Variants in SLC52A3 observed in about 807,000 individuals in gnomAD.
The protein encoded by SLC52A3 is solute carrier family 52, riboflavin transporter, member 3.
Under a neutral mutation model 29.5 loss-of-function variants are expected in SLC52A3, and 20 were observed. The observed-to-expected ratio is 0.68, with a 90% CI of 0.48 to 0.99. SLC52A3 has a LOEUF of 0.99. SLC52A3 is among the 50% of genes least tolerant of loss of function. The pLI, the probability that SLC52A3 is intolerant of heterozygous loss-of-function variation, is 0.00. For missense variants in SLC52A3, 548 were observed against 612.9 expected, an observed-to-expected ratio of 0.89 and a Z score of 1.12; for synonymous variants, 301 against 271.0, an observed-to-expected ratio of 1.11 and a Z score of -1.09.
At chr20:776,857 G>GC (rs1987052140), upstream of SLC52A3, among the ~76,000 whole-genome samples, 1 of 63,596 alleles carries the variant, frequency 1.6e-5, no homozygotes, top group African/African-American at 5.5e-5. Flanking sequence ...AATCGCTTTT[G>GC]GGGGGGGGGC....
intron 3 of SLC52A3, among the ~76,000 whole-genome samples, 192 bp downstream of exon 3, chr20:763,306 T>C (rs955360449): frequency 9.8e-5 from 15 of 152,362 alleles, no homozygotes; most frequent in Admixed American, 9.1e-4. Context: ...TAAATATCCC[T>C]GAGGCACAGA....
chr20:777,219 G>A (rs1345360902), upstream of SLC52A3, among the ~76,000 whole-genome samples: 2 of 151,160 alleles, frequency 1.3e-5, no homozygotes, highest in Admixed American at 6.6e-5. Context: ...CTGGACAATA[G>A]AGCAAGACTC....
chr20:777,268 A>AAAACAAAC (rs1987074920), upstream of SLC52A3, among the ~76,000 whole-genome samples: 2 of 23,338 alleles, frequency 8.6e-5, no homozygotes, highest in African/African-American at 1.5e-4. Context: ...AAACAAACAA[A>AAAACAAAC]AAACAAAAAA....
intron 1 of SLC52A3, among the ~76,000 whole-genome samples, chr20:774,072 G>A (rs962063840): frequency 6.6e-6 from 1 of 152,218 alleles, no homozygotes; most frequent in Non-Finnish European, 1.5e-5. Context: ...GTGAGCGGGG[G>A]CTTGTCCTCT....
At chr20:779,877 A>T (rs902755857), upstream of SLC52A3, among the ~76,000 whole-genome samples, 1 of 152,226 alleles carries the variant, frequency 6.6e-6, no homozygotes, top group African/African-American at 2.4e-5. Context: ...ATTGTTCCAT[A>T]GAAAGAATCT....
In SLC52A3 at chr20:765,761, A is replaced by G; in HGVS notation, c.14T>C (p.Met5Thr). The G allele has an allele frequency of 6.2e-7, 1 of 1,603,468 alleles. No individual in the cohort carries two copies. Among genetic ancestry groups the G allele is most frequent in the Non-Finnish European group, 8.5e-7 (1 of 1,176,174 alleles). MAFLMHLLVCVFGMG... is the reference protein window; with the variant it reads MAFLTHLLVCVFGMG... The stretch of plus-strand genomic sequence containing the variant: ...TCCGAAGACGCAGACCAGCAGGTGC[A>G]TCAGGAAGGCCATGGCGGTATCTGC... Residue 5 changes from methionine to threonine, a missense_variant, in exon 2 of 5, where the codon ATG becomes ACG. This residue lies in a region of SLC52A3 where 375 missense variants were observed against 471.1 expected (regional missense o/e 0.80). Coordinates refer to ENST00000645534, the MANE Select transcript of SLC52A3 (RefSeq NM_033409.4). The surrounding 1 kb of genome is among the most constrained non-coding windows in gnomAD (Gnocchi z 6.6).
At chr20:762,603 C>T (rs1434242131) in intron 3 of SLC52A3, among the ~76,000 whole-genome samples, 2 of 152,232 alleles carry the variant, frequency 1.3e-5, no homozygotes, top group Non-Finnish European at 2.9e-5. Context: ...TCTTGGATTC[C>T]ATGACTCAGA....
upstream of SLC52A3, among the ~76,000 whole-genome samples, chr20:772,175 T>C (rs749667400): frequency 3.3e-5 from 5 of 152,214 alleles, no homozygotes; most frequent in Non-Finnish European, 7.3e-5. Context: ...CTCACTTTCT[T>C]GTATGTTCGA....
chr20:764,094 GTTA>G, intron 2 of SLC52A3, 91 bp from the exon 3 acceptor site: 1 of 1,238,478 alleles, frequency 8.1e-7, no homozygotes, highest in Non-Finnish European at 1.1e-6. Flanking sequence ...CAGATCACCT[GTTA>G]TTATTAATGG....
chr20:761,221 A>G lies in SLC52A3; in HGVS notation c.1215T>C (p.Leu405=), dbSNP rs764407302. The change falls in exon 5 of 5, where the codon CTT becomes CTC. Residue 405 remains leucine (L), a synonymous_variant. Transcript: ENST00000645534. ...GEVLIVASWV[L]FSGCLSYVKV... is the part of the protein sequence containing the mutation. Reference sequence around the variant, plus strand: ...TGACGTAACTGAGGCAGCCGCTGAAAAGCACCCACGAGGCCACCTGCGGGG... The same window carrying G: ...TGACGTAACTGAGGCAGCCGCTGAAGAGCACCCACGAGGCCACCTGCGGGG... 7.1e-6 allele frequency: 11 copies of G among 1,553,600 alleles called. No individual in the cohort carries two copies. Among genetic ancestry groups the G allele is most frequent in the Middle Eastern group, 2.1e-4 (1 of 4,844 alleles).
rs1317661843 is a variant in SLC52A3, at chr20:763,882, A to G, written c.689T>C (p.Met230Thr). The G allele has an allele frequency of 1.2e-6, 2 of 1,614,168 alleles. No homozygotes were observed. Among genetic ancestry groups the G allele is most frequent in the East Asian group, 2.2e-5 (1 of 44,872 alleles). The change falls in exon 3 of 5, where the codon ATG (methionine) becomes ACG (threonine). Residue 230 changes from methionine to threonine, a missense_variant. Met to Thr is a moderately conservative substitution (Grantham distance 81). Transcript: ENST00000645534. ...GAACGCCACGAGGCAGCAGGCCATC[A>G]TGATGGATAGGAGGAGGAAGAAGAC... ...PLVFFLLLSI[M>T]MACCLVAFFV...
At chr20:764,208 T>C (rs1986596362) in intron 2 of SLC52A3, among the ~76,000 whole-genome samples, 1 of 152,156 alleles carries the variant, frequency 6.6e-6, no homozygotes, top group Non-Finnish European at 1.5e-5. Flanking sequence ...CCCCTATGCC[T>C]CCTAACAGGG....
intron 4 of SLC52A3, 24 bp from the exon 5 acceptor site, chr20:761,262 T>C (rs997670114): frequency 4.5e-6 from 7 of 1,539,330 alleles, no homozygotes; most frequent in Non-Finnish European, 6.1e-6. Context: ...AGGGAAGAGG[T>C]GCAGAGTCAC....
In SLC52A3 at chr20:760,164, G is replaced by A. The variant is rs2122500721; in HGVS notation, c.*862C>T. The A allele has an allele frequency of 6.6e-6, 1 of 152,342 alleles. No individual in the cohort carries two copies. The highest frequency in any genetic ancestry group is 1.5e-5 in the Non-Finnish European group (1 of 68,044). 9.4% of individuals were successfully genotyped at this position (152,342 alleles called of 1,614,324 possible). ...AATCACCTCTGTTGCCTCCATTTGA[G>A]AGAATACTTCCAGGGGCTCTGCATG... On this transcript the variant is annotated 3_prime_UTR_variant, in exon 5 of 5. Transcript: ENST00000645534. This position sits in a 1 kb window ranked among gnomAD's most constrained non-coding sequence, Gnocchi z 4.9.
chr20:765,205 TA>T lies in SLC52A3; in HGVS notation c.567+2del. The T allele has an allele frequency of 6.2e-7, 1 of 1,614,202 alleles. No individual in the cohort carries two copies. The highest frequency in any genetic ancestry group is 8.5e-7 in the Non-Finnish European group (1 of 1,180,032). On this transcript the variant is annotated splice_donor_variant, in intron 2 of 4. Coordinates refer to ENST00000645534, the MANE Select transcript of SLC52A3 (RefSeq NM_033409.4). LOFTEE classifies it high-confidence loss of function. This position sits in a 1 kb window ranked among gnomAD's most constrained non-coding sequence, Gnocchi z 6.6. ...TGAGATGGCTCCGGGTGATGCTGGG[TA>T]CCTGTGCGATGTCAGTCTCCCTCGT...
At chr20:766,006 C>T (rs1028831181) in intron 1 of SLC52A3, 181 bp from the exon 2 acceptor site, 8 of 559,376 alleles carry the variant, frequency 1.4e-5, no homozygotes, top group East Asian at 9.0e-5. Context: ...GGGATGATCT[C>T]GGCTCAGTGA....
Position 763,853 on chromosome 20 carries a change from C to A in SLC52A3, c.718G>T (p.Val240Phe). Residue 240 changes from valine to phenylalanine, a missense_variant, in exon 3 of 5, where the codon GTC (valine) becomes TTC (phenylalanine). By Grantham distance (50) the Val-to-Phe change is conservative. Around this residue, in one of 2 missense-constraint regions of SLC52A3, gnomAD observed 375 missense variants for 471.1 expected, o/e 0.80. Transcript: ENST00000645534. The part of the protein sequence containing the change: ...MMACCLVAFF[V>F]LQRQPRCWEA... ...CAGCACCTGGGTTGACGCTGGAGGA[C>A]AAAGAACGCCACGAGGCAGCAGGCC... 5 of 1,614,118 alleles carry A rather than the reference C, an allele frequency of 3.1e-6. No individual in the cohort carries two copies. The highest frequency in any genetic ancestry group is 4.2e-6 in the Non-Finnish European group (5 of 1,180,008).
At chr20:764,594 C>T (rs540454128) in intron 2 of SLC52A3, among the ~76,000 whole-genome samples, 67 of 151,776 alleles carry the variant, frequency 4.4e-4, no homozygotes, top group Non-Finnish European at 8.3e-4. Flanking sequence ...GACATGCCAT[C>T]CCAAAATATG....
At chr20:773,657 C>G (rs1986917408) in intron 1 of SLC52A3, among the ~76,000 whole-genome samples, 2 of 152,130 alleles carry the variant, frequency 1.3e-5, no homozygotes, top group African/African-American at 4.8e-5. Context: ...TCCAGGACCC[C>G]TTATGTGATC....
Sources: gnomAD v4.1 joint callset for allele counts (sites outside exome capture counted in the v4.1 genomes callset) on GRCh38, gnomAD v4.1.1 for gene constraint, gnomAD v4.1.1 regional missense constraint, Gnocchi (gnomAD v3.1) non-coding constraint, MANE v1.5 for transcripts, NCBI Gene and HGNC (gene_info 2026-07-23, HGNC 2026-07-21) for gene names.